STK3: variants seen among roughly 807,000 people sequenced by gnomAD.
The protein encoded by STK3 is serine/threonine kinase 3, also known as serine/threonine-protein kinase 3.
Under a neutral mutation model 58.0 loss-of-function variants are expected in STK3, and 41 were observed. The observed-to-expected ratio is 0.71, with a 90% CI of 0.55 to 0.92. The LOEUF is 0.92. Ranked by LOEUF, STK3 falls within the 40% of genes least tolerant of loss-of-function variation. STK3 has a pLI of 0.00. For synonymous variants in STK3, 170 were observed against 191.0 expected (o/e 0.89, Z 0.91); for missense variants, 479 against 602.7 (o/e 0.79, Z 2.15).
intron 2 of STK3, among the ~76,000 whole-genome samples, chr8:98,375,542 C>A (rs1817665486): frequency 6.6e-6 from 1 of 152,194 alleles, no homozygotes; most frequent in South Asian, 2.1e-4. Flanking sequence ...CCCTGCTGTG[C>A]CCTTCCTTTA....
At chr8:98,695,708 C>G (rs1309214006) in intron 6 of STK3, among the ~76,000 whole-genome samples, 2 of 152,008 alleles carry the variant, frequency 1.3e-5, no homozygotes, top group Non-Finnish European at 2.9e-5. Context: ...TGATCTATAT[C>G]TCTGTTTTGG....
chr8:98,490,523 T>C (rs2131317660), intron 10 of STK3, among the ~76,000 whole-genome samples: 1 of 152,310 alleles, frequency 6.6e-6, no homozygotes. Context: ...ATCGTATCAG[T>C]CTTTCATCTG....
chr8:98,476,583 G>C (rs760741125), intron 10 of STK3, among the ~76,000 whole-genome samples: 38 of 152,122 alleles, frequency 2.5e-4, no homozygotes, highest in Non-Finnish European at 4.4e-4. Flanking sequence ...GTTCAGAGTT[G>C]ACAATCATGT....
intron 6 of STK3, chr8:98,598,718 T>A: frequency 1.0e-6 from 1 of 985,400 alleles, no homozygotes; most frequent in Non-Finnish European, 1.2e-6. Context: ...GGGACACACA[T>A]TACAGCCATA....
intron 3 of STK3, among the ~76,000 whole-genome samples, chr8:98,853,525 C>G (rs1387416589): frequency 2.0e-5 from 3 of 152,226 alleles, no homozygotes; most frequent in Admixed American, 2.0e-4. Context: ...TTCCCACTGG[C>G]TCTATTTTAT....
chr8:98,890,662 C>T (rs960328096), intron 1 of STK3, among the ~76,000 whole-genome samples: 3 of 152,224 alleles, frequency 2.0e-5, no homozygotes, highest in Admixed American at 1.3e-4. Context: ...AACCTACCCT[C>T]TTCCACCACA....
chr8:98,770,214 G>A (rs926563673), intron 2 of STK3, among the ~76,000 whole-genome samples: 1 of 152,026 alleles, frequency 6.6e-6, no homozygotes, highest in East Asian at 1.9e-4. Flanking sequence ...TCACTTTTCA[G>A]CAGCATGCAG....
In STK3 at chr8:98,727,879, A is replaced by T. The variant is rs1473846831; in HGVS notation, c.352-20568T>A. Among the ~76,000 whole-genome samples, 7 of 152,282 alleles carry T rather than the reference A, an allele frequency of 4.6e-5. No homozygotes were observed. The East Asian group carries it at 1.4e-3, about 29-fold the overall frequency. On this transcript the variant is annotated intron_variant, in intron 4 of 10. Coordinates refer to ENST00000419617, the MANE Select transcript of STK3 (RefSeq NM_006281.4). ...TTCAGTTTCCATTCATTTTTATGGC[A>T]TAATCAACTCACACAATAGTTACCA...
At chr8:98,880,644 T>C (rs929247422), downstream of STK3, 3 of 152,072 alleles carry the variant, frequency 2.0e-5, no homozygotes, top group Non-Finnish European at 4.4e-5. Context: ...TTTGCATATC[T>C]GATAAAGGAT....
downstream of STK3, among the ~76,000 whole-genome samples, chr8:98,367,455 T>C (rs1201186147): frequency 6.6e-6 from 1 of 152,218 alleles, no homozygotes; most frequent in African/African-American, 2.4e-5. Context: ...GGGAAGCTGA[T>C]GAGGATAGGA....
At chr8:98,640,122 C>T (rs187810492) in intron 6 of STK3, among the ~76,000 whole-genome samples, 4 of 152,212 alleles carry the variant, frequency 2.6e-5, no homozygotes, top group South Asian at 2.1e-4. Flanking sequence ...GGCGCGATCA[C>T]GGCTCACTGC....
chr8:98,710,172 C>T (rs1038714602), intron 4 of STK3, among the ~76,000 whole-genome samples: 12 of 151,992 alleles, frequency 7.9e-5, no homozygotes, highest in Non-Finnish European at 1.2e-4. Context: ...GGAGACAAGA[C>T]GGCTGAATAG....
intron 1 of STK3, among the ~76,000 whole-genome samples, chr8:98,791,556 C>T (rs1832805209): frequency 6.6e-6 from 1 of 152,160 alleles, no homozygotes; most frequent in Non-Finnish European, 1.5e-5. Flanking sequence ...CATCGCATTA[C>T]CTGATTTCAA....
chr8:98,817,432 C>A (rs898318494), intron 1 of STK3, among the ~76,000 whole-genome samples: 3 of 139,678 alleles, frequency 2.1e-5, no homozygotes, highest in Non-Finnish European at 4.5e-5. Context: ...CCAGCCTGGG[C>A]GACAGAGCAA....
downstream of STK3, among the ~76,000 whole-genome samples, chr8:98,368,830 C>A (rs1037454076): frequency 2.0e-5 from 3 of 152,152 alleles, no homozygotes; most frequent in Admixed American, 1.3e-4. Context: ...CTTACGTAGG[C>A]CTTCTCGGAA....
intron 3 of STK3, among the ~76,000 whole-genome samples, chr8:98,842,087 A>G (rs1014119751): frequency 7.9e-5 from 12 of 152,292 alleles, no homozygotes; most frequent in Middle Eastern, 3.4e-3. Context: ...AGAAAACTAT[A>G]TAAAACCTAT....
chr8:98,590,381 C>T lies in STK3; in HGVS notation c.822+5651G>A, dbSNP rs564374003. Among the ~76,000 whole-genome samples the T allele has an allele frequency of 1.8e-4, 27 of 152,252 alleles. No homozygotes were observed. In the South Asian group the frequency reaches 3.3e-3, roughly 19 times the overall value. ...GTGATGGGGTAGAGGGCTTCCGAGG[C>T]GATCGGGCAGTGTCAGTCTTCAGCC... is the stretch of plus-strand genomic sequence containing the variant. On this transcript the variant is annotated intron_variant, in intron 7 of 10. Coordinates refer to ENST00000419617, the MANE Select transcript of STK3 (RefSeq NM_006281.4).
In STK3 at chr8:98,639,186, T is replaced by C. The variant is rs1331834555; in HGVS notation, c.685-43017A>G. Among the ~76,000 whole-genome samples the C allele has an allele frequency of 2.0e-5, 3 of 151,816 alleles. No homozygotes were observed. The South Asian group carries it at 6.2e-4, about 32-fold the overall frequency. On this transcript the variant is annotated intron_variant, in intron 6 of 10. Transcript: ENST00000419617. ...ACACAGTGGCATGATCACAGCTCAC[T>C]GCAGTCTCAACCTCCTGGGCTCAAC...
At chr8:98,414,244 A>G (rs141792280) in intron 3 of STK3, among the ~76,000 whole-genome samples, 2 of 152,348 alleles carry the variant, frequency 1.3e-5, no homozygotes, top group African/African-American at 4.8e-5. Flanking sequence ...AGCCTGGGCG[A>G]CAGAGCAAGA....
Sources: gnomAD v4.1 joint callset for allele counts (sites outside exome capture counted in the v4.1 genomes callset) on GRCh38, gnomAD v4.1.1 for gene constraint, MANE v1.5 for transcripts, NCBI Gene and HGNC (gene_info 2026-07-23, HGNC 2026-07-21) for gene names.